Variants in FHIT observed in about 807,000 individuals in gnomAD.
FHIT encodes the protein fragile histidine triad diadenosine triphosphatase, also known as bis(5'-adenosyl)-triphosphatase.
Under a neutral mutation model 17.9 loss-of-function variants are expected in FHIT, and 19 were observed. That is an observed-to-expected ratio of 1.06 (90% CI 0.74 to 1.56). The LOEUF (loss-of-function observed/expected upper bound fraction) is 1.56. Among genes scored for constraint, FHIT ranks in the 40% most tolerant of loss-of-function variants. FHIT has a pLI of 0.00. For synonymous variants in FHIT, 81 were observed against 69.7 expected, an observed-to-expected ratio of 1.16 and a Z score of -0.81; for missense variants, 248 against 189.2, an observed-to-expected ratio of 1.31 and a Z score of -1.82.
chr3:60,256,217 A>G (rs972608288), intron 5 of FHIT, among the ~76,000 whole-genome samples: 2 of 152,152 alleles, frequency 1.3e-5, no homozygotes, highest in African/African-American at 4.8e-5. Flanking sequence ...AGTAACTGAA[A>G]TGAGCAAAGT....
Position 61,018,830 on chromosome 3 carries a change from C to T in FHIT, c.-111+23217G>A, listed in dbSNP as rs528361822. ...CCCATGGGATAGATACACATTCTCA[C>T]TTAAGCCCCTGTTGAAACTATTTCC... On this transcript the variant is annotated intron_variant, in intron 3 of 9. Coordinates refer to ENST00000492590, the MANE Select transcript of FHIT (RefSeq NM_002012.4). 2.6e-5 allele frequency among the ~76,000 whole-genome samples: 4 copies of T among 152,252 alleles called. No homozygotes were observed. The East Asian group carries it at 7.7e-4, about 29-fold the overall frequency.
chr3:59,961,051 G>A (rs1202104279), intron 7 of FHIT, among the ~76,000 whole-genome samples: 2 of 152,238 alleles, frequency 1.3e-5, no homozygotes, highest in East Asian at 3.9e-4. Context: ...GTTTGCGGAT[G>A]AGGGGACTGA....
chr3:60,206,319 T>A (rs1284198816), intron 5 of FHIT, among the ~76,000 whole-genome samples: 2 of 152,050 alleles, frequency 1.3e-5, no homozygotes, highest in Non-Finnish European at 2.9e-5. Flanking sequence ...AAGAAAACCA[T>A]AGTCCAACAC....
intron 5 of FHIT, among the ~76,000 whole-genome samples, chr3:60,421,623 T>C (rs796862466): frequency 7.9e-5 from 12 of 152,242 alleles, no homozygotes; most frequent in African/African-American, 2.9e-4. Flanking sequence ...TATAGAAGTA[T>C]TATGATATTT....
chr3:59,996,602 T>G (rs765516013), intron 7 of FHIT, among the ~76,000 whole-genome samples: 1 of 152,102 alleles, frequency 6.6e-6, no homozygotes, highest in Non-Finnish European at 1.5e-5. Flanking sequence ...AAAGTTATGC[T>G]TCTAATTCTC....
intron 2 of FHIT, among the ~76,000 whole-genome samples, chr3:61,137,384 C>T (rs2036948547): frequency 6.6e-6 from 1 of 151,538 alleles, no homozygotes; most frequent in African/African-American, 2.4e-5. Flanking sequence ...CAAATATTTC[C>T]CCTCTGAGAA....
rs981871632 is a variant in FHIT at position 60,044,673 on chromosome 3, T to G, written c.104-30521A>C. On this transcript the variant is annotated intron_variant, in intron 5 of 9. Coordinates refer to ENST00000492590, the MANE Select transcript of FHIT (RefSeq NM_002012.4). ...GATTTTGCTTGCACATGGTCACAAT[T>G]AAATAAATGATGAAAATGAGACTCA... Among the ~76,000 whole-genome samples, 4 of 152,154 alleles carry G rather than the reference T, an allele frequency of 2.6e-5. No individual in the cohort carries two copies. The South Asian group carries it at 6.2e-4, about 24-fold the overall frequency.
chr3:60,541,912 C>T (rs538036950), intron 4 of FHIT, among the ~76,000 whole-genome samples: 2 of 152,268 alleles, frequency 1.3e-5, no homozygotes, highest in East Asian at 3.9e-4. Context: ...ATCATGAGCC[C>T]ATGAAAGGCT....
Position 61,055,072 on chromosome 3 carries a change from AGTT to A in FHIT, c.-163-12976_-163-12974del, listed in dbSNP as rs202222332. On this transcript the variant is annotated intron_variant, in intron 2 of 9. Coordinates refer to ENST00000492590, the MANE Select transcript of FHIT (RefSeq NM_002012.4). Reference sequence around the variant, plus strand: ...TCCTTTCCTTTGTTGCACTAACCACAGTTGTTGTTAGTATCTTTTGTTTGTTTG... The same window carrying A: ...TCCTTTCCTTTGTTGCACTAACCACAGTTGTTAGTATCTTTTGTTTGTTTG... Among the ~76,000 whole-genome samples, 1,417 of 150,198 alleles carry A rather than the reference AGTT, an allele frequency of 9.4e-3. 8 individuals carry two copies. The highest frequency in any genetic ancestry group is 0.027 in the Middle Eastern group (8 of 294).
chr3:60,838,396 C>A (rs571744766), intron 3 of FHIT, among the ~76,000 whole-genome samples: 4 of 152,108 alleles, frequency 2.6e-5, no homozygotes, highest in Non-Finnish European at 5.9e-5. Context: ...CGCTTGAACC[C>A]GGGAGGCAGA....
chr3:60,166,449 T>C (rs1576236532), intron 5 of FHIT, among the ~76,000 whole-genome samples: 1 of 152,196 alleles, frequency 6.6e-6, no homozygotes, highest in Non-Finnish European at 1.5e-5. Flanking sequence ...ATACATCCAA[T>C]ATGTGTTAAG....
intron 3 of FHIT, among the ~76,000 whole-genome samples, chr3:61,017,505 A>G (rs2032180381): frequency 6.6e-6 from 1 of 152,190 alleles, no homozygotes; most frequent in Non-Finnish European, 1.5e-5. Flanking sequence ...TTGTTTCAGG[A>G]CAATTTTGTT....
chr3:59,860,315 AAAG>A (rs1702351526), intron 8 of FHIT, among the ~76,000 whole-genome samples: 1 of 152,202 alleles, frequency 6.6e-6, no homozygotes, highest in African/African-American at 2.4e-5. Context: ...ACAAAAAGAA[AAAG>A]AAGATTCGGT....
At chr3:61,130,293 C>T (rs1296412077) in intron 2 of FHIT, among the ~76,000 whole-genome samples, 1 of 152,182 alleles carries the variant, frequency 6.6e-6, no homozygotes, top group Non-Finnish European at 1.5e-5. Context: ...CTTGACCATA[C>T]AACTCCACGT....
chr3:60,897,539 C>T (rs1553762210), intron 3 of FHIT, among the ~76,000 whole-genome samples: 3 of 152,100 alleles, frequency 2.0e-5, no homozygotes, highest in East Asian at 1.9e-4. Flanking sequence ...AAAACCTTTC[C>T]TTGTGCTTTT....
chr3:60,837,944 A>T (rs1367275176), intron 3 of FHIT, among the ~76,000 whole-genome samples: 1 of 152,134 alleles, frequency 6.6e-6, no homozygotes, highest in Non-Finnish European at 1.5e-5. Context: ...TACTTCCTTT[A>T]CATGCATTTA....
chr3:60,684,345 G>A (rs1413867295), intron 4 of FHIT, among the ~76,000 whole-genome samples: 5 of 151,880 alleles, frequency 3.3e-5, no homozygotes, highest in African/African-American at 1.2e-4. Flanking sequence ...TGCAAACAAG[G>A]TCACATTCAC....
chr3:60,027,138 C>CAG lies in FHIT; in HGVS notation c.104-12987_104-12986insCT, dbSNP rs1320133940. Among the ~76,000 whole-genome samples, 300 of 119,818 alleles carry CAG rather than the reference C, an allele frequency of 2.5e-3. 5 individuals carry two copies. The highest frequency in any genetic ancestry group is 0.01 in the African/African-American group (279 of 26,700). 78.6% of individuals were successfully genotyped at this position (119,818 alleles called of 152,430 possible). A position where few individuals can be genotyped will look rare whatever the true frequency, so the allele number is the denominator to read the frequency against. ...ACACACACACACACACACACACACACACACACACACAAAATTAGTAAACCC... is the reference window on the plus strand; with the variant it reads ...ACACACACACACACACACACACACACAGACACACACACAAAATTAGTAAACCC... On this transcript the variant is annotated intron_variant, in intron 5 of 9. Coordinates refer to ENST00000492590, the MANE Select transcript of FHIT (RefSeq NM_002012.4).
intron 5 of FHIT, among the ~76,000 whole-genome samples, chr3:60,152,616 A>G (rs1700514131): frequency 6.6e-6 from 1 of 152,176 alleles, no homozygotes; most frequent in Admixed American, 6.5e-5. Flanking sequence ...TGAACCCCAA[A>G]ATAACAAAGG....
Sources: allele counts gnomAD v4.1 joint callset (sites outside exome capture counted in the v4.1 genomes callset), GRCh38; gene constraint gnomAD v4.1.1; transcripts MANE v1.5; gene names NCBI Gene and HGNC (gene_info 2026-07-23, HGNC 2026-07-21).